TECTB: variants seen among roughly 807,000 people sequenced by gnomAD.
The protein encoded by TECTB is tectorin beta.
In TECTB, 45 loss-of-function variants were observed where a neutral mutation model predicts 43.3. The observed-to-expected ratio is 1.04, with a 90% confidence interval of 0.82 to 1.33. TECTB has a LOEUF of 1.33. Ranked by LOEUF, TECTB falls within the 40% of genes most tolerant of loss-of-function variation. TECTB has a pLI of 0.00. For synonymous variants in TECTB, 169 were observed against 156.7 expected (o/e 1.08, Z -0.59); for missense variants, 399 against 404.7 (o/e 0.99, Z 0.12).
At chr10:112,301,706 A>G (rs1848613542) in intron 9 of TECTB, among the ~76,000 whole-genome samples, 1 of 152,208 alleles carries the variant, frequency 6.6e-6, no homozygotes, top group African/African-American at 2.4e-5. Flanking sequence ...TGGTTTAATC[A>G]GGGGAGGATT....
At chr10:112,299,784 G>A (rs1589642324) in intron 9 of TECTB, 9 of 535,130 alleles carry the variant, frequency 1.7e-5, no homozygotes, top group Non-Finnish European at 3.0e-5. Context: ...AGTTCTAACT[G>A]CACCCTAAAT....
chr10:112,299,527 G>C lies in TECTB; in HGVS notation c.870G>C (p.Gln290His). ...AACGGAAGCGCCTCCTGCGAGACCA[G>C]ACCGGGGGAGTCCTGGTCGTGGAGC... ...CDKRKRLLRD[Q>H]TGGVLVVELS... The change falls in exon 9 of 11, where the codon CAG becomes CAC. Residue 290 changes from glutamine to histidine, a missense_variant. By Grantham distance (24) the Gln-to-His change is conservative. Transcript: ENST00000646139. The C allele has an allele frequency of 1.2e-6, 2 of 1,614,214 alleles. No homozygotes were observed. Among genetic ancestry groups the C allele is most frequent in the Non-Finnish European group, 1.7e-6 (2 of 1,180,042 alleles).
Position 112,304,069 on chromosome 10 carries a change from T to A in TECTB, c.*757T>A, listed in dbSNP as rs924781871. 6.6e-6 allele frequency: 1 copy of A among 152,158 alleles called. No homozygotes were observed. Among genetic ancestry groups the A allele is most frequent in the Non-Finnish European group, 1.5e-5 (1 of 68,022 alleles). 9.4% of individuals were successfully genotyped at this position (152,158 alleles called of 1,614,324 possible). ...ACAAAAAGAATAATCACAAGAAGAA[T>A]ACAACTCACATTAATTTAACCTAAT... is the stretch of plus-strand genomic sequence containing the variant. On this transcript the variant is annotated 3_prime_UTR_variant, in exon 11 of 11. Transcript: ENST00000646139.
intron 5 of TECTB, among the ~76,000 whole-genome samples, chr10:112,291,439 T>C (rs1346070815): frequency 6.6e-6 from 1 of 152,238 alleles, no homozygotes; most frequent in African/African-American, 2.4e-5. Flanking sequence ...GACACATGCA[T>C]GCATATGTTC....
At chr10:112,294,758 C>G (rs113436934) in intron 7 of TECTB, among the ~76,000 whole-genome samples, 5,450 of 152,150 alleles carry the variant, frequency 0.036, 300 homozygotes, top group African/African-American at 0.12. Flanking sequence ...AAGACATGAA[C>G]TGCTATTGTA....
At chr10:112,300,279 A>AAAGAAAGAAAGAAAGGAAAGAAAG (rs1361291056) in intron 9 of TECTB, among the ~76,000 whole-genome samples, 41 of 48,388 alleles carry the variant, frequency 8.5e-4, no homozygotes, top group African/African-American at 2.1e-3. Flanking sequence ...AGAAAGAAAG[A>AAAGAAAGAAAGAAAGGAAAGAAAG]AAAGAAAGAA....
intron 5 of TECTB, among the ~76,000 whole-genome samples, chr10:112,288,364 A>G (rs1848471991): frequency 1.3e-5 from 2 of 152,088 alleles, no homozygotes; most frequent in African/African-American, 4.8e-5. Flanking sequence ...AATAAGAGAC[A>G]TGTCCTCAGC....
intron 9 of TECTB, among the ~76,000 whole-genome samples, chr10:112,300,434 T>C (rs188828630): frequency 2.0e-5 from 3 of 152,302 alleles, no homozygotes; most frequent in African/African-American, 7.2e-5. Context: ...CAGCACTGCC[T>C]GGCCTGGCAG....
intron 7 of TECTB, among the ~76,000 whole-genome samples, chr10:112,297,375 G>A (rs546200723): frequency 1.6e-4 from 24 of 152,160 alleles, no homozygotes; most frequent in African/African-American, 5.3e-4. Context: ...CCTTTGAGAC[G>A]TTGGAATATC....
In TECTB at chr10:112,286,318, G is replaced by C. The variant is rs1363651263; in HGVS notation, c.411-1G>C. On this transcript the variant is annotated splice_acceptor_variant, in intron 4 of 10. Coordinates refer to ENST00000646139, the MANE Select transcript of TECTB (RefSeq NM_058222.3). LOFTEE classifies it high-confidence loss of function. ...TATGCAAAATTCTCTCCCCTTTTCA[G>C]AGTGGCCACTGTTCACGTGAAGAAC... 3.7e-6 allele frequency: 6 copies of C among 1,611,796 alleles called. No individual in the cohort carries two copies. Among genetic ancestry groups the C allele is most frequent in the Non-Finnish European group, 3.4e-6 (4 of 1,178,120 alleles).
At chr10:112,300,535 A>G (rs1848602490) in intron 9 of TECTB, among the ~76,000 whole-genome samples, 1 of 152,170 alleles carries the variant, frequency 6.6e-6, no homozygotes, top group African/African-American at 2.4e-5. Flanking sequence ...TTAGACACTA[A>G]GGGAAAGAGA....
At chr10:112,283,533 G>A (rs1848429494) in intron 1 of TECTB, 37 bp downstream of exon 1, 2 of 574,560 alleles carry the variant, frequency 3.5e-6, no homozygotes, top group Admixed American at 3.3e-5. Flanking sequence ...GCGCTAACAG[G>A]AAACAATTAG....
At chr10:112,292,935 C>G (rs573419627) in intron 5 of TECTB, among the ~76,000 whole-genome samples, 1 of 152,208 alleles carries the variant, frequency 6.6e-6, no homozygotes, top group Non-Finnish European at 1.5e-5. Flanking sequence ...ACATGGCCCC[C>G]CTCCTCACTT....
intron 5 of TECTB, 116 bp downstream of exon 5, chr10:112,286,507 A>G: frequency 8.9e-7 from 1 of 1,127,738 alleles, no homozygotes; most frequent in Non-Finnish European, 1.2e-6. Context: ...CCATTCTTAA[A>G]TTCAAGTTGA....
At chr10:112,286,949 C>A (rs778410463) in intron 5 of TECTB, among the ~76,000 whole-genome samples, 26 of 152,194 alleles carry the variant, frequency 1.7e-4, no homozygotes, top group Non-Finnish European at 2.5e-4. Context: ...AACAAAAAAA[C>A]CAATCTTCCG....
chr10:112,286,827 CAGA>C (rs898127429), intron 5 of TECTB, among the ~76,000 whole-genome samples: 4 of 152,150 alleles, frequency 2.6e-5, no homozygotes, highest in African/African-American at 7.2e-5. Flanking sequence ...GAGGCTGCAG[CAGA>C]AGAATTGCTT....
chr10:112,304,345 A>G lies in TECTB; in HGVS notation c.*1033A>G, dbSNP rs1275568270. The G allele has an allele frequency of 6.6e-6, 1 of 152,276 alleles. No individual in the cohort carries two copies. The highest frequency in any genetic ancestry group is 1.5e-5 in the Non-Finnish European group (1 of 68,050). The allele number at this position is 152,276 out of a possible 1,614,324, so 9.4% of individuals were successfully genotyped here. On this transcript the variant is annotated 3_prime_UTR_variant, in exon 11 of 11. Coordinates refer to ENST00000646139, the MANE Select transcript of TECTB (RefSeq NM_058222.3). Reference sequence around the variant, plus strand: ...TCATTCACTTACAATCATTAGAATGAAGCTAACACAAAATCAGAAACACAA... The same window carrying G: ...TCATTCACTTACAATCATTAGAATGGAGCTAACACAAAATCAGAAACACAA...
intron 7 of TECTB, 83 bp from the exon 8 acceptor site, chr10:112,297,986 G>C: frequency 6.3e-7 from 1 of 1,589,864 alleles, no homozygotes; most frequent in South Asian, 1.1e-5. Flanking sequence ...ACCACCTCGG[G>C]AGCCTTGTGT....
chr10:112,287,275 A>G (rs17129696), intron 5 of TECTB, among the ~76,000 whole-genome samples: 2,568 of 152,314 alleles, frequency 0.017, 95 homozygotes, highest in African/African-American at 0.058. Context: ...AGTTAAAGGC[A>G]CACTTTGGTC....
Sources: gnomAD v4.1 joint callset for allele counts (sites outside exome capture counted in the v4.1 genomes callset) on GRCh38, gnomAD v4.1.1 for gene constraint, MANE v1.5 for transcripts, NCBI Gene and HGNC (gene_info 2026-07-23, HGNC 2026-07-21) for gene names.